SPSB1: variants seen among roughly 807,000 people sequenced by gnomAD.
SPSB1 encodes SPRY domain-containing SOCS box protein 1.
Under a neutral mutation model 21.2 loss-of-function variants are expected in SPSB1, and 8 were observed. The observed-to-expected ratio is 0.38, with a 90% confidence interval of 0.22 to 0.68. The LOEUF (loss-of-function observed/expected upper bound fraction) is 0.68. SPSB1 is among the 30% of genes least tolerant of loss of function. SPSB1 has a pLI of 0.53. For missense variants in SPSB1, 242 were observed against 377.8 expected, an observed-to-expected ratio of 0.64 and a Z score of 2.98; for synonymous variants, 169 against 161.7, an observed-to-expected ratio of 1.05 and a Z score of -0.34.
intron 1 of SPSB1, among the ~76,000 whole-genome samples, chr1:9,349,543 T>A (rs1640217238): frequency 6.6e-6 from 1 of 152,244 alleles, no homozygotes; most frequent in African/African-American, 2.4e-5. Context: ...AGCTGATCTC[T>A]GACACAAGGC....
chr1:9,342,285 G>A (rs911824061), intron 1 of SPSB1, among the ~76,000 whole-genome samples: 8 of 152,170 alleles, frequency 5.3e-5, no homozygotes, highest in Non-Finnish European at 2.9e-5. Context: ...CGATCCCTCC[G>A]TGAGAATGAA....
intron 1 of SPSB1, among the ~76,000 whole-genome samples, chr1:9,328,455 C>T (rs111945803): frequency 6.6e-5 from 10 of 152,334 alleles, no homozygotes; most frequent in African/African-American, 2.2e-4. Context: ...GTTTCCTAAC[C>T]CAGCTCAGAC....
intron 1 of SPSB1, among the ~76,000 whole-genome samples, chr1:9,337,187 T>C (rs1569621078): frequency 6.6e-6 from 1 of 152,082 alleles, no homozygotes; most frequent in East Asian, 1.9e-4. Flanking sequence ...CTAGAAACGG[T>C]CCATTTATGT....
At position 9,293,241 on chromosome 1, in the gene SPSB1, G is replaced by A. The variant is rs1417576627; in HGVS notation, c.-150+170G>A. 2.7e-5 allele frequency among the ~76,000 whole-genome samples: 4 copies of A among 149,336 alleles called. No individual in the cohort carries two copies. Among genetic ancestry groups the A allele is most frequent in the African/African-American group, 9.7e-5 (4 of 41,088 alleles). ...GGTGGAGTACGGGATGGGGACTCGGGGCGCGGCCCCTCCCGCGGTGGCTCC... is the reference window on the plus strand; with the variant it reads ...GGTGGAGTACGGGATGGGGACTCGGAGCGCGGCCCCTCCCGCGGTGGCTCC... On this transcript the variant is annotated intron_variant, in intron 1 of 2. Transcript: ENST00000328089. This position sits in a 1 kb window ranked among gnomAD's most constrained non-coding sequence, Gnocchi z 5.1.
intron 1 of SPSB1, among the ~76,000 whole-genome samples, chr1:9,294,040 GTGTGTGTC>G (rs1478907278): frequency 1.3e-5 from 2 of 151,876 alleles, no homozygotes; most frequent in African/African-American, 4.8e-5. Flanking sequence ...GTGTGTGTGT[GTGTGTGTC>G]TGAGTGCGTC....
At chr1:9,331,611 G>A (rs949727773) in intron 1 of SPSB1, among the ~76,000 whole-genome samples, 19 of 152,124 alleles carry the variant, frequency 1.2e-4, no homozygotes, top group Non-Finnish European at 2.1e-4. Flanking sequence ...GATTACAGGC[G>A]TGAGTCACCG....
intron 1 of SPSB1, among the ~76,000 whole-genome samples, chr1:9,314,999 CT>C (rs1221291996): frequency 2.6e-5 from 4 of 152,180 alleles, no homozygotes; most frequent in Non-Finnish European, 5.9e-5. Context: ...AGAATCCAGA[CT>C]TTTTAAGATG....
At position 9,356,616 on chromosome 1, in the gene SPSB1, GC is replaced by G; in HGVS notation, c.694+34del. 1 of 1,557,994 alleles carries G rather than the reference GC, an allele frequency of 6.4e-7. No individual in the cohort carries two copies. Among genetic ancestry groups the G allele is most frequent in the Non-Finnish European group, 8.7e-7 (1 of 1,149,160 alleles). ...TGTCTCCTCTGCTGTCAGAGGCAATGCCCTCCCTCAGTCCCCATGGTCCTGG... is the reference window on the plus strand; with the variant it reads ...TGTCTCCTCTGCTGTCAGAGGCAATGCCTCCCTCAGTCCCCATGGTCCTGG... On this transcript the variant is annotated intron_variant, in intron 2 of 2. Transcript: ENST00000328089. This position sits in a 1 kb window ranked among gnomAD's most constrained non-coding sequence, Gnocchi z 7.4.
intron 1 of SPSB1, among the ~76,000 whole-genome samples, chr1:9,331,331 T>TG (rs1639915478): frequency 1.4e-5 from 2 of 141,260 alleles, no homozygotes; most frequent in Admixed American, 7.2e-5. Context: ...GTTTTTTTTT[T>TG]TTTTTTTTTT....
rs1639728419 is a variant in SPSB1, at chr1:9,321,963, G to C, written c.-150+28892G>C. 6.6e-6 allele frequency among the ~76,000 whole-genome samples: 1 copy of C among 152,152 alleles called. No individual in the cohort carries two copies. Among genetic ancestry groups the C allele is most frequent in the Non-Finnish European group, 1.5e-5 (1 of 68,020 alleles). On this transcript the variant is annotated intron_variant, in intron 1 of 2. Coordinates refer to ENST00000328089, the MANE Select transcript of SPSB1 (RefSeq NM_025106.4). The surrounding 1 kb of genome is among the most constrained non-coding windows in gnomAD (Gnocchi z 4.8). ...GGGCTCTCCAGTCACCTCTAACCCT[G>C]TGGGGGACAACCACAATGTCTGTTT...
At chr1:9,350,263 C>T (rs1640235351) in intron 1 of SPSB1, among the ~76,000 whole-genome samples, 1 of 152,218 alleles carries the variant, frequency 6.6e-6, no homozygotes, top group African/African-American at 2.4e-5. Flanking sequence ...AGCCTTGCAG[C>T]CTGAGGGCTG....
chr1:9,355,283 T>G (rs1640344374), intron 1 of SPSB1, among the ~76,000 whole-genome samples: 1 of 152,234 alleles, frequency 6.6e-6, no homozygotes, highest in South Asian at 2.1e-4. Flanking sequence ...ATTGGCATCC[T>G]CAGCAGCCTC....
intron 1 of SPSB1, among the ~76,000 whole-genome samples, chr1:9,304,757 A>G (rs1639385476): frequency 1.3e-5 from 2 of 152,070 alleles, no homozygotes; most frequent in African/African-American, 4.8e-5. Flanking sequence ...CCAGATGGCA[A>G]CTGGGCTCAA....
In SPSB1 at chr1:9,367,425, C is replaced by T. The variant is rs1396211372; in HGVS notation, c.695-23C>T. 1 of 1,613,106 alleles carries T rather than the reference C, an allele frequency of 6.2e-7. No homozygotes were observed. Among genetic ancestry groups the T allele is most frequent in the African/African-American group, 1.3e-5 (1 of 75,050 alleles). Reference sequence around the variant, plus strand: ...GAACACCCACCCAAGCTGCGCTGACCTGCAGTTTCTCTGTCTCCCCAGCCG... The same window carrying T: ...GAACACCCACCCAAGCTGCGCTGACTTGCAGTTTCTCTGTCTCCCCAGCCG... On this transcript the variant is annotated intron_variant, in intron 2 of 2. Transcript: ENST00000328089. The surrounding 1 kb of genome is among the most constrained non-coding windows in gnomAD (Gnocchi z 5.9).
At position 9,327,118 on chromosome 1, in the gene SPSB1, C is replaced by T. The variant is rs193148117; in HGVS notation, c.-149-28625C>T. 9.2e-5 allele frequency among the ~76,000 whole-genome samples: 14 copies of T among 152,302 alleles called. No homozygotes were observed. The East Asian group carries it at 1.5e-3, about 17-fold the overall frequency. On this transcript the variant is annotated intron_variant, in intron 1 of 2. Transcript: ENST00000328089. ...TTTCGTGGGGAAGAGACTAGCACAA[C>T]CCCCAGTGCCCACTTGCAGCGCTTC...
intron 1 of SPSB1, among the ~76,000 whole-genome samples, chr1:9,329,868 C>A (rs1487847501): frequency 6.6e-6 from 1 of 152,100 alleles, no homozygotes. Flanking sequence ...ACTCTGCAGA[C>A]ATTTCTTCTC....
chr1:9,362,755 G>A (rs1028721834), intron 2 of SPSB1, among the ~76,000 whole-genome samples: 61 of 152,246 alleles, frequency 4.0e-4, no homozygotes, highest in African/African-American at 1.3e-3. Context: ...CCAGGTAGCC[G>A]TTTCTCACAG....
chr1:9,306,154 C>T (rs1480726193), intron 1 of SPSB1, among the ~76,000 whole-genome samples: 2 of 152,186 alleles, frequency 1.3e-5, no homozygotes, highest in Admixed American at 6.5e-5. Flanking sequence ...CCCTTGACCC[C>T]ACAGGGCAGG....
intron 2 of SPSB1, among the ~76,000 whole-genome samples, chr1:9,365,843 A>G (rs1204102621): frequency 6.6e-6 from 1 of 152,198 alleles, no homozygotes; most frequent in East Asian, 1.9e-4. Flanking sequence ...GAAGCCTCAG[A>G]TCCATTAGTT....
Sources: allele counts gnomAD v4.1 joint callset (sites outside exome capture counted in the v4.1 genomes callset), GRCh38; gene constraint gnomAD v4.1.1; non-coding constraint Gnocchi (gnomAD v3.1); transcripts MANE v1.5; gene names NCBI Gene and HGNC (gene_info 2026-07-23, HGNC 2026-07-21).